The following ZNF23 variants were observed in gnomAD, a reference collection of about 807,000 sequenced individuals.
ZNF23 encodes zinc finger protein 23.
A neutral mutation model predicts 56.2 loss-of-function variants in ZNF23; 48 were observed. The ratio of observed to expected loss-of-function variants is 0.85; its 90% confidence interval spans 0.68 to 1.09. The LOEUF is 1.09. Ranked by LOEUF, ZNF23 falls within the 50% of genes least tolerant of loss-of-function variation. ZNF23 has a pLI of 0.00. For synonymous variants in ZNF23, 266 were observed against 283.3 expected (o/e 0.94, Z 0.61); for missense variants, 805 against 811.4 (o/e 0.99, Z 0.10).
intron 4 of ZNF23, 99 bp downstream of exon 4, chr16:71,453,144 G>T: frequency 1.3e-6 from 1 of 795,438 alleles, no homozygotes; most frequent in Non-Finnish European, 2.1e-6. Context: ...CACTCTGTAT[G>T]ACTGGCCAAT....
At chr16:71,457,457 G>C (rs1022096357) in intron 1 of ZNF23, among the ~76,000 whole-genome samples, 1 of 152,176 alleles carries the variant, frequency 6.6e-6, no homozygotes, top group African/African-American at 2.4e-5. Flanking sequence ...CAGCTACTCG[G>C]GTGGCAGAGG....
chr16:71,449,226 G>A lies in ZNF23; in HGVS notation c.928C>T (p.Leu310=), dbSNP rs150378986. The A allele has an allele frequency of 1.4e-5, 22 of 1,613,886 alleles. No homozygotes were observed. The African/African-American group carries it at 2.9e-4, about 22-fold the overall frequency. Residue 310 remains leucine (L), a synonymous_variant, in exon 5 of 5, where the codon CTA becomes TTA. Coordinates refer to ENST00000647773, the MANE Select transcript of ZNF23 (RefSeq NM_001381984.1). The part of the protein sequence containing the change: ...CGKAFSVNGS[L]SRHQRIHTGE... The stretch of plus-strand genomic sequence containing the variant: ...GTATGGATTCTCTGATGCCTACTTA[G>A]GCTTCCATTAACACTGAAGGCCTTC...
At chr16:71,457,805 A>G (rs2043293913) in intron 1 of ZNF23, among the ~76,000 whole-genome samples, 2 of 152,344 alleles carry the variant, frequency 1.3e-5, no homozygotes, top group South Asian at 4.1e-4. Flanking sequence ...TCCACAATTC[A>G]TTTCAAGAAA....
chr16:71,458,883 TAC>T (rs1278341321), intron 1 of ZNF23, among the ~76,000 whole-genome samples: 4 of 152,278 alleles, frequency 2.6e-5, no homozygotes, highest in African/African-American at 4.8e-5. Context: ...AGCAGACTAA[TAC>T]AGTTAGGCTG....
chr16:71,457,887 AG>A (rs1286481826), intron 1 of ZNF23, among the ~76,000 whole-genome samples: 1 of 152,166 alleles, frequency 6.6e-6, no homozygotes, highest in Non-Finnish European at 1.5e-5. Flanking sequence ...TCACAGCAGG[AG>A]AAGCTGGACT....
In ZNF23 at chr16:71,453,279, G is replaced by A. The variant is rs1480362243; in HGVS notation, c.232C>T (p.Leu78=). The change falls in exon 4 of 5, where the codon CTG becomes TTG. Residue 78 remains leucine, a synonymous_variant. Coordinates refer to ENST00000647773, the MANE Select transcript of ZNF23 (RefSeq NM_001381984.1). ...CCCTGGAGGCCTGTTCCTGCAGCCA[G>A]TGGAGATGAGCCCCCCAGCTCACTT... ...GGSELGGSSP[L]AAGTGLQGLQ... is the part of the protein sequence containing the mutation. 1.2e-6 allele frequency: 2 copies of A among 1,609,334 alleles called. No homozygotes were observed. The highest frequency in any genetic ancestry group is 1.7e-6 in the Non-Finnish European group (2 of 1,177,702).
At chr16:71,453,180 A>G (rs1385806088) in intron 4 of ZNF23, 63 bp downstream of exon 4, 6 of 1,239,984 alleles carry the variant, frequency 4.8e-6, no homozygotes, top group Admixed American at 2.0e-5. Flanking sequence ...ATATGTTGCT[A>G]AAGCTGGCTT....
chr16:71,448,343 T>C lies in ZNF23; in HGVS notation c.1811A>G (p.Gln604Arg). Reference sequence around the variant, plus strand: ...GAAGGCTTTTCCACACTCCTTACACTGAAAGGGTTTCTCTCCTGTATGGAT... The same window carrying C: ...GAAGGCTTTTCCACACTCCTTACACCGAAAGGGTTTCTCTCCTGTATGGAT... The part of the protein sequence containing the change: ...QRIHTGEKPF[Q>R]CKECGKAFHV... Residue 604 changes from glutamine (Q) to arginine (R), a missense_variant, in exon 5 of 5, where the codon CAG becomes CGG. By Grantham distance (43) the Gln-to-Arg change is conservative. Transcript: ENST00000647773. 1.9e-6 allele frequency: 3 copies of C among 1,614,122 alleles called. No individual in the cohort carries two copies. The South Asian group carries it at 3.3e-5, about 18-fold the overall frequency.
At chr16:71,460,972 G>A (rs572013218) in intron 1 of ZNF23, among the ~76,000 whole-genome samples, 2 of 152,170 alleles carry the variant, frequency 1.3e-5, no homozygotes, top group African/African-American at 4.8e-5. Flanking sequence ...GCTACACACA[G>A]AATGAATTTG....
intron 4 of ZNF23, chr16:71,451,346 T>G (rs2043049966): frequency 6.6e-6 from 1 of 152,162 alleles, no homozygotes; most frequent in Admixed American, 6.5e-5. Context: ...CCCCTCCAAT[T>G]GCCTGGATTC....
intron 2 of ZNF23, among the ~76,000 whole-genome samples, chr16:71,454,795 G>A (rs758162718): frequency 1.1e-4 from 16 of 152,116 alleles, no homozygotes; most frequent in Non-Finnish European, 2.1e-4. Flanking sequence ...CAACTTCTCC[G>A]AAAGCTTCAC....
At chr16:71,458,061 CCTAAGGACAGCACAGG>C (rs1472398486) in intron 1 of ZNF23, among the ~76,000 whole-genome samples, 1 of 152,144 alleles carries the variant, frequency 6.6e-6, no homozygotes, top group African/African-American at 2.4e-5. Context: ...GGTCAGTCCT[CCTAAGGACAGCACAGG>C]CTGTCCTTAG....
chr16:71,453,923 G>C (rs1158102001), intron 3 of ZNF23, 119 bp downstream of exon 3: 1 of 1,229,784 alleles, frequency 8.1e-7, no homozygotes, highest in African/African-American at 1.5e-5. Flanking sequence ...ATTAGGAACA[G>C]CTCTGGGGTT....
intron 3 of ZNF23, 110 bp downstream of exon 3, chr16:71,453,932 T>C: frequency 7.7e-7 from 1 of 1,301,586 alleles, no homozygotes; most frequent in East Asian, 2.3e-5. Context: ...AGCTCTGGGG[T>C]TCTCACTCAG....
Position 71,448,339 on chromosome 16 carries a change from A to G in ZNF23, c.1815T>C (p.Cys605=). 1 of 1,613,962 alleles carries G rather than the reference A, an allele frequency of 6.2e-7. No homozygotes were observed. The highest frequency in any genetic ancestry group is 8.5e-7 in the Non-Finnish European group (1 of 1,179,974). The change falls in exon 5 of 5, where the codon TGT becomes TGC. Residue 605 remains cysteine (C), a synonymous_variant. Coordinates refer to ENST00000647773, the MANE Select transcript of ZNF23 (RefSeq NM_001381984.1). ...CATGGAAGGCTTTTCCACACTCCTT[A>G]CACTGAAAGGGTTTCTCTCCTGTAT... ...RIHTGEKPFQ[C]KECGKAFHVN... is the part of the protein sequence containing the mutation.
chr16:71,458,152 G>A (rs187075766), intron 1 of ZNF23, among the ~76,000 whole-genome samples: 17 of 152,358 alleles, frequency 1.1e-4, no homozygotes, highest in African/African-American at 3.8e-4. Context: ...GATAGTGAAT[G>A]AGCCAAGGCC....
At chr16:71,452,759 A>G (rs1423439263) in intron 4 of ZNF23, 1 of 154,226 alleles carries the variant, frequency 6.5e-6, no homozygotes, top group African/African-American at 2.4e-5. Context: ...TTTTATTATT[A>G]ACCCATTTTC....
intron 1 of ZNF23, chr16:71,461,724 G>A (rs959952934): frequency 6.6e-6 from 1 of 152,186 alleles, no homozygotes; most frequent in Admixed American, 6.5e-5. Context: ...CTGCTGCCGG[G>A]TGACTGGGAG....
intron 4 of ZNF23, chr16:71,452,177 T>C (rs904556629): frequency 6.6e-6 from 1 of 152,190 alleles, no homozygotes; most frequent in African/African-American, 2.4e-5. Context: ...GTCCTTTGAT[T>C]AAGACCTCAC....
Sources: allele counts gnomAD v4.1 joint callset (sites outside exome capture counted in the v4.1 genomes callset), GRCh38; gene constraint gnomAD v4.1.1; transcripts MANE v1.5; gene names NCBI Gene and HGNC (gene_info 2026-07-23, HGNC 2026-07-21).